TXK: variants seen among roughly 807,000 people sequenced by gnomAD.
The protein encoded by TXK is TXK tyrosine kinase.
In TXK, 60 loss-of-function variants were observed where a neutral mutation model predicts 81.0. The ratio of observed to expected loss-of-function variants is 0.74; its 90% CI spans 0.60 to 0.92. TXK has a LOEUF of 0.92. Among genes scored for constraint, TXK ranks in the 40% least tolerant of loss-of-function variants. The pLI, the probability that TXK is intolerant of heterozygous loss-of-function variation, is 0.00. For missense variants in TXK, 581 were observed against 638.3 expected, an observed-to-expected ratio of 0.91 and a Z score of 0.97; for synonymous variants, 203 against 210.7, an observed-to-expected ratio of 0.96 and a Z score of 0.32.
chr4:48,111,378 AT>A (rs1437984827), intron 4 of TXK, among the ~76,000 whole-genome samples: 1 of 152,162 alleles, frequency 6.6e-6, no homozygotes, highest in African/African-American at 2.4e-5. Flanking sequence ...GGATAATAGT[AT>A]TTACTTTTGG....
chr4:48,081,238 C>A (rs1309587352), intron 10 of TXK, among the ~76,000 whole-genome samples: 2 of 152,036 alleles, frequency 1.3e-5, no homozygotes, highest in African/African-American at 4.8e-5. Context: ...TAATTTGCCA[C>A]AAGAAATCCA....
chr4:48,122,415 CT>C (rs1225920196), intron 1 of TXK, among the ~76,000 whole-genome samples: 4 of 152,206 alleles, frequency 2.6e-5, no homozygotes, highest in Non-Finnish European at 2.9e-5. Flanking sequence ...CCCTCCAAGT[CT>C]TTGCTCAAAT....
intron 1 of TXK, among the ~76,000 whole-genome samples, 173 bp downstream of exon 1, chr4:48,133,982 C>A (rs1719311843): frequency 1.3e-5 from 2 of 152,276 alleles, no homozygotes; most frequent in South Asian, 4.1e-4. Context: ...AGAATTACAT[C>A]ATCACTGTGG....
At chr4:48,097,849 G>A (rs1165239258) in intron 6 of TXK, among the ~76,000 whole-genome samples, 2 of 149,710 alleles carry the variant, frequency 1.3e-5, no homozygotes, top group South Asian at 4.2e-4. Context: ...CTGGGTTCAC[G>A]CCATTCTCCT....
At chr4:48,076,550 G>T in intron 11 of TXK, 84 bp from the exon 12 acceptor site, 3 of 1,091,920 alleles carry the variant, frequency 2.7e-6, no homozygotes, top group Non-Finnish European at 4.1e-6. Flanking sequence ...AGGTTATTTG[G>T]ACCCCACACT....
chr4:48,120,768 G>A (rs1219911355), intron 1 of TXK, among the ~76,000 whole-genome samples: 3 of 152,064 alleles, frequency 2.0e-5, no homozygotes, highest in East Asian at 1.9e-4. Flanking sequence ...TGGGATTAAA[G>A]GCATGAGCCA....
chr4:48,070,893 C>CTTTT (rs11309334), intron 14 of TXK, among the ~76,000 whole-genome samples: 29 of 84,322 alleles, frequency 3.4e-4, no homozygotes, highest in Non-Finnish European at 4.4e-4. Flanking sequence ...TCATTTAATT[C>CTTTT]TTTTTTTTTT....
intron 14 of TXK, 123 bp from the exon 15 acceptor site, chr4:48,067,828 C>G: frequency 1.0e-6 from 1 of 953,054 alleles, no homozygotes; most frequent in Non-Finnish European, 1.6e-6. Context: ...TCGCCAAGGT[C>G]TGATTTTTCA....
At chr4:48,067,888 G>T (rs755118984) in intron 14 of TXK, among the ~76,000 whole-genome samples, 183 bp from the exon 15 acceptor site, 3 of 152,148 alleles carry the variant, frequency 2.0e-5, no homozygotes, top group Non-Finnish European at 2.9e-5. Flanking sequence ...ATAGGCTAAG[G>T]ATCACTCAGA....
intron 14 of TXK, among the ~76,000 whole-genome samples, chr4:48,070,706 G>A (rs1166500958): frequency 6.6e-6 from 1 of 151,602 alleles, no homozygotes; most frequent in Non-Finnish European, 1.5e-5. Flanking sequence ...CGCCTCCCAA[G>A]TAGCTGGAAT....
At position 48,104,888 on chromosome 4, in the gene TXK, T is replaced by C; in HGVS notation, c.501+13A>G. Reference sequence around the variant, plus strand: ...CAGAGATTTTGAAAATGTCCACAAATACATTGAATTACCTCTTGTCTCAAT... The same window carrying C: ...CAGAGATTTTGAAAATGTCCACAAACACATTGAATTACCTCTTGTCTCAAT... On this transcript the variant is annotated intron_variant, in intron 6 of 14. Transcript: ENST00000264316. The C allele has an allele frequency of 6.3e-7, 1 of 1,583,428 alleles. No individual in the cohort carries two copies.
chr4:48,089,863 C>T (rs1297850415), intron 8 of TXK, 39 bp from the exon 9 acceptor site: 7 of 1,419,120 alleles, frequency 4.9e-6, no homozygotes, highest in Non-Finnish European at 7.0e-6. Flanking sequence ...AGCCTAGTTG[C>T]TAATATAGAA....
intron 1 of TXK, among the ~76,000 whole-genome samples, chr4:48,118,090 G>A (rs1560361067): frequency 6.6e-6 from 1 of 152,194 alleles, no homozygotes; most frequent in Non-Finnish European, 1.5e-5. Flanking sequence ...CAAATTGGCA[G>A]ACCAATTTGT....
intron 9 of TXK, chr4:48,089,549 C>T: frequency 2.5e-6 from 1 of 399,948 alleles, no homozygotes; most frequent in Non-Finnish European, 4.8e-6. Flanking sequence ...CACCACCAAA[C>T]CCGGCTAATT....
At chr4:48,133,532 A>G (rs1719298236) in intron 1 of TXK, among the ~76,000 whole-genome samples, 1 of 152,216 alleles carries the variant, frequency 6.6e-6, no homozygotes, top group Admixed American at 6.5e-5. Flanking sequence ...CTGACTGCAG[A>G]TAAGAATCAG....
At chr4:48,102,127 C>T (rs113565461) in intron 6 of TXK, among the ~76,000 whole-genome samples, 102 of 152,098 alleles carry the variant, frequency 6.7e-4, no homozygotes, top group Non-Finnish European at 3.8e-4. Flanking sequence ...TAGAGGCGCC[C>T]GCCACCATGC....
Position 48,110,622 on chromosome 4 carries a change from C to G in TXK, c.381-19G>C. The G allele has an allele frequency of 6.3e-7, 1 of 1,595,800 alleles. No homozygotes were observed. The highest frequency in any genetic ancestry group is 1.7e-5 in the Admixed American group (1 of 59,358). ...TTCATTCCTACAACAAAAGAAAAAG[C>G]AAAAATCAAAATGCTTGGCATGTTT... On this transcript the variant is annotated intron_variant, in intron 4 of 14. Transcript: ENST00000264316.
intron 11 of TXK, among the ~76,000 whole-genome samples, chr4:48,077,840 G>A (rs1717130477): frequency 1.3e-5 from 2 of 152,102 alleles, no homozygotes; most frequent in African/African-American, 4.8e-5. Flanking sequence ...ATATGAGGAA[G>A]GTGCTATAAT....
chr4:48,089,168 T>C (rs927181068), intron 9 of TXK, among the ~76,000 whole-genome samples: 6 of 152,110 alleles, frequency 3.9e-5, no homozygotes, highest in African/African-American at 1.2e-4. Flanking sequence ...ATAAAAAGAA[T>C]TGTAATTTAT....
Sources: allele counts gnomAD v4.1 joint callset (sites outside exome capture counted in the v4.1 genomes callset), GRCh38; gene constraint gnomAD v4.1.1; transcripts MANE v1.5; gene names NCBI Gene and HGNC (gene_info 2026-07-23, HGNC 2026-07-21).